The following RALGPS2 variants were observed in gnomAD, a reference collection of about 807,000 sequenced individuals.
The protein encoded by RALGPS2 is ras-specific guanine nucleotide-releasing factor RalGPS2.
RALGPS2 carries 43 observed loss-of-function variants against 86.8 expected under a neutral mutation model. The ratio of observed to expected loss-of-function variants is 0.50; its 90% CI spans 0.39 to 0.64. The LOEUF is 0.64. RALGPS2 is among the 30% of genes least tolerant of loss of function. The probability of loss-of-function intolerance (pLI) is 0.00; values close to 1 mark genes in which losing one functional copy is unlikely to be tolerated. For missense variants in RALGPS2, 536 were observed against 694.6 expected, an observed-to-expected ratio of 0.77 and a Z score of 2.57; for synonymous variants, 243 against 231.3, an observed-to-expected ratio of 1.05 and a Z score of -0.46.
intron 1 of RALGPS2, chr1:178,746,778 T>C: frequency 1.1e-6 from 1 of 884,574 alleles, no homozygotes; most frequent in Non-Finnish European, 1.9e-6. Context: ...GTGGCCTTTC[T>C]GTCCTCTCAC....
intron 8 of RALGPS2, among the ~76,000 whole-genome samples, chr1:178,844,996 A>G (rs895561903): frequency 6.6e-6 from 1 of 152,054 alleles, no homozygotes; most frequent in Admixed American, 6.6e-5. Flanking sequence ...CCTGGCCAAC[A>G]TGGCAAAACC....
At position 178,910,152 on chromosome 1, in the gene RALGPS2, A is replaced by T. The variant is rs995442521; in HGVS notation, c.1722+3285A>T. 4.6e-5 allele frequency among the ~76,000 whole-genome samples: 7 copies of T among 152,240 alleles called. No individual in the cohort carries two copies. The East Asian group carries it at 1.4e-3, about 29-fold the overall frequency. ...GCTGAAGTTGTTTATCAGATCTAGG[A>T]GCTTTGGGTCAGAGACTATGGGGTT... On this transcript the variant is annotated intron_variant, in intron 19 of 19. Coordinates refer to ENST00000367635, the MANE Select transcript of RALGPS2 (RefSeq NM_152663.5).
rs143913517 is a variant in RALGPS2, at chr1:178,851,136, A to G, written c.607+17586A>G. On this transcript the variant is annotated intron_variant, in intron 8 of 19. Transcript: ENST00000367635. Reference sequence around the variant, plus strand: ...ATTGGCGAGTGTCTCTCTTCAGTCAATAGGCTTGATCATCATCTGAACTGC... The same window carrying G: ...ATTGGCGAGTGTCTCTCTTCAGTCAGTAGGCTTGATCATCATCTGAACTGC... The G allele has an allele frequency of 6.2e-6, 10 of 1,612,392 alleles. No individual in the cohort carries two copies. Among genetic ancestry groups the G allele is most frequent in the East Asian group, 4.5e-5 (2 of 44,868 alleles).
At chr1:178,863,018 A>T (rs1658140963) in intron 8 of RALGPS2, among the ~76,000 whole-genome samples, 1 of 152,214 alleles carries the variant, frequency 6.6e-6, no homozygotes, top group African/African-American at 2.4e-5. Context: ...GTTAAATCTT[A>T]TGCAGTAAAT....
chr1:178,884,745 A>C (rs1659402577), intron 11 of RALGPS2, among the ~76,000 whole-genome samples: 1 of 152,180 alleles, frequency 6.6e-6, no homozygotes, highest in Non-Finnish European at 1.5e-5. Flanking sequence ...AAATTAAAAG[A>C]GCACTGAACC....
rs143204480 is a variant in RALGPS2 at position 178,862,365 on chromosome 1, C to T, written c.608-15133C>T. ...ACCAAATCAACTAACACATATTTAG[C>T]AACTGCAGGTAAGACACTGTAACCA... On this transcript the variant is annotated intron_variant, in intron 8 of 19. Coordinates refer to ENST00000367635, the MANE Select transcript of RALGPS2 (RefSeq NM_152663.5). Among the ~76,000 whole-genome samples, 186 of 152,136 alleles carry T rather than the reference C, an allele frequency of 1.2e-3. 1 individual carries two copies. The highest frequency in any genetic ancestry group is 0.011 in the Admixed American group (174 of 15,294).
intron 3 of RALGPS2, among the ~76,000 whole-genome samples, chr1:178,785,209 TA>T (rs1319624826): frequency 6.6e-6 from 1 of 152,068 alleles, no homozygotes. Context: ...TATCTGATTT[TA>T]TACCACTGTT....
intron 1 of RALGPS2, among the ~76,000 whole-genome samples, chr1:178,738,203 CTTTTTTTTT>C (rs1051296802): frequency 9.0e-6 from 1 of 110,744 alleles, no homozygotes; most frequent in South Asian, 3.1e-4. Flanking sequence ...AGATGGATAT[CTTTTTTTTT>C]TTTTTTTTTT....
chr1:178,890,815 TA>T (rs1659685847), intron 14 of RALGPS2, among the ~76,000 whole-genome samples: 2 of 151,986 alleles, frequency 1.3e-5, no homozygotes, highest in Admixed American at 1.3e-4. Flanking sequence ...AAAAACAAAT[TA>T]TTTTTATTTA....
intron 17 of RALGPS2, among the ~76,000 whole-genome samples, chr1:178,900,518 A>G (rs1482051429): frequency 1.3e-5 from 2 of 151,990 alleles, no homozygotes; most frequent in Non-Finnish European, 2.9e-5. Flanking sequence ...TTAGCTTGGT[A>G]ATAACCAGAA....
At chr1:178,912,033 T>G (rs1415191944) in intron 19 of RALGPS2, among the ~76,000 whole-genome samples, 2 of 152,242 alleles carry the variant, frequency 1.3e-5, no homozygotes, top group African/African-American at 4.8e-5. Context: ...CTTTGTTCTT[T>G]TTTGTTTTCC....
chr1:178,784,682 G>T (rs1045861795), intron 3 of RALGPS2, among the ~76,000 whole-genome samples, 160 bp downstream of exon 3: 5 of 152,074 alleles, frequency 3.3e-5, no homozygotes, highest in East Asian at 1.9e-4. Context: ...ACAGAGGGAT[G>T]AAGTGGGAAA....
At chr1:178,861,497 G>T (rs1658010771) in intron 8 of RALGPS2, among the ~76,000 whole-genome samples, 1 of 150,826 alleles carries the variant, frequency 6.6e-6, no homozygotes. Context: ...ACATAGAATT[G>T]GTATGTTTCA....
rs540135125 is a variant in RALGPS2, at chr1:178,783,836, T to G, written c.58-582T>G. On this transcript the variant is annotated intron_variant, in intron 2 of 19. Transcript: ENST00000367635. ...CAGGGCCAAAATCCACCTTTCATTC[T>G]ATGTATAGCCACAACATATTCAAAC... 1.8e-4 allele frequency among the ~76,000 whole-genome samples: 27 copies of G among 152,280 alleles called. No homozygotes were observed. The South Asian group carries it at 5.2e-3, about 29-fold the overall frequency.
At chr1:178,781,653 G>A (rs1343782940) in intron 2 of RALGPS2, among the ~76,000 whole-genome samples, 3 of 152,250 alleles carry the variant, frequency 2.0e-5, no homozygotes, top group Admixed American at 1.3e-4. Context: ...CAATAAAATT[G>A]TCATGATGGT....
chr1:178,905,027 C>G (rs1173214080), intron 18 of RALGPS2, among the ~76,000 whole-genome samples: 1 of 152,026 alleles, frequency 6.6e-6, no homozygotes, highest in South Asian at 2.1e-4. Context: ...TGATTTTTTT[C>G]AGCAGTGTTT....
intron 1 of RALGPS2, among the ~76,000 whole-genome samples, chr1:178,760,529 A>T (rs894268065): frequency 7.9e-5 from 12 of 152,052 alleles, no homozygotes; most frequent in Non-Finnish European, 1.8e-4. Flanking sequence ...CCTTTGCATG[A>T]TCTTTCTCCA....
chr1:178,858,827 TA>T (rs1372025558), intron 8 of RALGPS2, among the ~76,000 whole-genome samples: 3 of 152,220 alleles, frequency 2.0e-5, no homozygotes, highest in African/African-American at 7.2e-5. Flanking sequence ...GAGCCATCTG[TA>T]ACATATGTGT....
intron 6 of RALGPS2, among the ~76,000 whole-genome samples, chr1:178,813,794 A>G (rs182623100): frequency 1.3e-3 from 194 of 152,302 alleles, no homozygotes; most frequent in African/African-American, 4.3e-3. Context: ...AAGCCTTTCA[A>G]CTGATCAAAT....
Sources: gnomAD v4.1 joint callset for allele counts (sites outside exome capture counted in the v4.1 genomes callset) on GRCh38, gnomAD v4.1.1 for gene constraint, MANE v1.5 for transcripts, NCBI Gene and HGNC (gene_info 2026-07-23, HGNC 2026-07-21) for gene names.